Variants in CFAP299 observed in about 807,000 individuals in gnomAD.
CFAP299 encodes the protein cilia- and flagella-associated protein 299.
A neutral mutation model predicts 27.0 loss-of-function variants in CFAP299; 21 were observed. The ratio of observed to expected loss-of-function variants is 0.78; its 90% confidence interval spans 0.55 to 1.12. CFAP299 has a LOEUF of 1.12. Ranked by LOEUF, CFAP299 falls within the 50% of genes most tolerant of loss-of-function variation. CFAP299 has a pLI of 0.00. For synonymous variants in CFAP299, 104 were observed against 98.1 expected, an observed-to-expected ratio of 1.06 and a Z score of -0.36; for missense variants, 310 against 276.6, an observed-to-expected ratio of 1.12 and a Z score of -0.86.
In CFAP299 at chr4:80,878,977, G is replaced by A. The variant is rs1042130986; in HGVS notation, c.476+8842G>A. Among the ~76,000 whole-genome samples the A allele has an allele frequency of 3.9e-5, 6 of 152,004 alleles. No homozygotes were observed. In the South Asian group the frequency reaches 8.3e-4, roughly 21 times the overall value. ...TTTATGTGGCAAAAATAAACTTGAG[G>A]ACATTAAATAAATATTTCTACTGTC... On this transcript the variant is annotated intron_variant, in intron 4 of 5. Transcript: ENST00000358105.
intron 3 of CFAP299, among the ~76,000 whole-genome samples, chr4:80,601,182 A>G (rs1162158135): frequency 2.0e-5 from 3 of 152,210 alleles, no homozygotes; most frequent in Admixed American, 6.5e-5. Flanking sequence ...ATAACTTATT[A>G]TACACATCTT....
chr4:80,497,336 A>G (rs1180132010), intron 2 of CFAP299, among the ~76,000 whole-genome samples: 1 of 152,186 alleles, frequency 6.6e-6, no homozygotes, highest in African/African-American at 2.4e-5. Context: ...CTAGCAAATG[A>G]CTTTTGTTAT....
chr4:80,570,661 T>C (rs539700003), intron 2 of CFAP299, among the ~76,000 whole-genome samples: 12 of 152,214 alleles, frequency 7.9e-5, no homozygotes, highest in Middle Eastern at 6.8e-3. Context: ...GTAAATTGGA[T>C]CAACAATTTT....
intron 2 of CFAP299, among the ~76,000 whole-genome samples, chr4:80,488,756 G>T (rs144970004): frequency 6.6e-6 from 1 of 152,138 alleles, no homozygotes; most frequent in South Asian, 2.1e-4. Context: ...GATTACAGGC[G>T]TGAGCCACCG....
chr4:80,479,150 A>G (rs1342615880), intron 2 of CFAP299, among the ~76,000 whole-genome samples: 1 of 152,090 alleles, frequency 6.6e-6, no homozygotes. Context: ...CAAGCACAGT[A>G]TCTTAGTGAA....
At chr4:80,661,734 C>A (rs970847151) in intron 3 of CFAP299, among the ~76,000 whole-genome samples, 1 of 152,158 alleles carries the variant, frequency 6.6e-6, no homozygotes, top group Non-Finnish European at 1.5e-5. Flanking sequence ...AGGGAGATAA[C>A]CTTAAACTCT....
At chr4:80,612,913 A>T (rs1577932612) in intron 3 of CFAP299, among the ~76,000 whole-genome samples, 2 of 152,274 alleles carry the variant, frequency 1.3e-5, no homozygotes, top group Non-Finnish European at 2.9e-5. Context: ...AAGATAAAAA[A>T]CATTAAGCTG....
At chr4:80,499,758 C>T (rs1210812662) in intron 2 of CFAP299, among the ~76,000 whole-genome samples, 1 of 151,960 alleles carries the variant, frequency 6.6e-6, no homozygotes, top group African/African-American at 2.4e-5. Context: ...AGTTCAATTT[C>T]CTCTTGATAT....
chr4:80,428,120 C>T (rs1727614272), intron 2 of CFAP299, among the ~76,000 whole-genome samples: 1 of 152,126 alleles, frequency 6.6e-6, no homozygotes, highest in South Asian at 2.1e-4. Flanking sequence ...GAGTTTTTGG[C>T]AGAGTTTGTA....
At chr4:80,817,070 CTG>C (rs1729456048) in intron 3 of CFAP299, among the ~76,000 whole-genome samples, 5 of 152,078 alleles carry the variant, frequency 3.3e-5, no homozygotes, top group African/African-American at 1.2e-4. Context: ...CCAAAATAAG[CTG>C]CTTTGTCCCA....
intron 3 of CFAP299, among the ~76,000 whole-genome samples, chr4:80,729,583 C>T (rs1378650458): frequency 1.4e-5 from 2 of 143,020 alleles, no homozygotes; most frequent in Non-Finnish European, 3.0e-5. Context: ...TTTTATGATG[C>T]TTCAGCATCT....
intron 2 of CFAP299, among the ~76,000 whole-genome samples, chr4:80,482,642 A>G (rs1730623753): frequency 6.6e-6 from 1 of 152,104 alleles, no homozygotes; most frequent in African/African-American, 2.4e-5. Flanking sequence ...GTATTGGAGG[A>G]CTTACTATAC....
At position 80,410,261 on chromosome 4, in the gene CFAP299, A is replaced by G. The variant is rs145449891; in HGVS notation, c.242+47377A>G. 3.6e-3 allele frequency among the ~76,000 whole-genome samples: 552 copies of G among 152,316 alleles called. 3 individuals are homozygous for G. Among genetic ancestry groups the G allele is most frequent in the African/African-American group, 0.013 (520 of 41,576 alleles). ...AAGGGATTAAACACTGAAACAGGTA[A>G]CCAAGGAATACGGGGAAGTTTAATC... On this transcript the variant is annotated intron_variant, in intron 2 of 5. Coordinates refer to ENST00000358105, the MANE Select transcript of CFAP299 (RefSeq NM_152770.3).
chr4:80,689,148 T>C (rs1578021111), intron 3 of CFAP299, among the ~76,000 whole-genome samples: 1 of 152,144 alleles, frequency 6.6e-6, no homozygotes, highest in East Asian at 1.9e-4. Flanking sequence ...ACTTCCCCAA[T>C]CTAGCAAGGC....
At chr4:80,703,976 G>A (rs1721669015) in intron 3 of CFAP299, among the ~76,000 whole-genome samples, 1 of 151,716 alleles carries the variant, frequency 6.6e-6, no homozygotes, top group Admixed American at 6.6e-5. Context: ...ACATTGAGAA[G>A]CCTTAGGGAT....
chr4:80,895,141 G>T (rs1055675512), intron 4 of CFAP299, among the ~76,000 whole-genome samples: 2 of 150,550 alleles, frequency 1.3e-5, no homozygotes, highest in Non-Finnish European at 3.0e-5. Flanking sequence ...CTTGAAATTT[G>T]CTCAGATAAT....
intron 4 of CFAP299, among the ~76,000 whole-genome samples, chr4:80,915,434 G>A (rs1735695217): frequency 6.6e-6 from 1 of 151,536 alleles, no homozygotes; most frequent in South Asian, 2.1e-4. Context: ...ACACTTTGAT[G>A]TATTTTTCAC....
intron 3 of CFAP299, among the ~76,000 whole-genome samples, chr4:80,697,977 C>T (rs1721219029): frequency 6.6e-6 from 1 of 152,108 alleles, no homozygotes; most frequent in Non-Finnish European, 1.5e-5. Flanking sequence ...CAAGGATAGA[C>T]ATTCATGTTT....
intron 3 of CFAP299, among the ~76,000 whole-genome samples, chr4:80,849,807 A>G (rs1046790663): frequency 6.6e-6 from 1 of 152,146 alleles, no homozygotes; most frequent in Admixed American, 6.6e-5. Context: ...GTTCTATTGC[A>G]CAGTAGGGGG....
Sources: gnomAD v4.1 joint callset for allele counts (sites outside exome capture counted in the v4.1 genomes callset) on GRCh38, gnomAD v4.1.1 for gene constraint, MANE v1.5 for transcripts, NCBI Gene and HGNC (gene_info 2026-07-23, HGNC 2026-07-21) for gene names.